The following STK10 variants were observed in gnomAD, a reference collection of about 807,000 sequenced individuals.
STK10 encodes the protein serine/threonine kinase 10.
In STK10, 78 loss-of-function variants were observed where a neutral mutation model predicts 113.8. That is an observed-to-expected ratio of 0.69 (90% CI 0.57 to 0.83). The LOEUF is 0.83. Among genes scored for constraint, STK10 ranks in the 40% least tolerant of loss-of-function variants. STK10 has a pLI of 0.00. For missense variants in STK10, 1,109 were observed against 1,280.1 expected (o/e 0.87, Z 2.04); for synonymous variants, 465 against 494.7 (o/e 0.94, Z 0.80).
chr5:172,164,805 G>A (rs758239549), intron 1 of STK10, among the ~76,000 whole-genome samples: 4 of 152,286 alleles, frequency 2.6e-5, no homozygotes, highest in East Asian at 1.9e-4. Flanking sequence ...AAGAACAAGC[G>A]GCTGTCTGTG....
chr5:172,155,821 C>A lies in STK10; in HGVS notation c.321+803G>T, dbSNP rs144415488. 8.2e-3 allele frequency among the ~76,000 whole-genome samples: 1,248 copies of A among 152,070 alleles called. 19 individuals carry two copies. The highest frequency in any genetic ancestry group is 0.029 in the African/African-American group (1,198 of 41,498). ...ACCAGCCTGGCCAACACGGCAAAAC[C>A]CCATCTCTACTAAAAATACAAAAAT... On this transcript the variant is annotated intron_variant, in intron 2 of 18. Transcript: ENST00000176763.
chr5:172,107,683 C>G lies in STK10; in HGVS notation c.593+97G>C, dbSNP rs558427189. The G allele has an allele frequency of 3.2e-4, 267 of 842,926 alleles. 1 individual carries two copies. The African/African-American group carries it at 0.011, about 35-fold the overall frequency. The allele number at this position is 842,926 out of a possible 1,614,324, so 52.2% of individuals were successfully genotyped here. On this transcript the variant is annotated intron_variant, in intron 5 of 18. Transcript: ENST00000176763. ...AAGCCACGAGGCAGGGCGTGTAGCC[C>G]TTGTCTTCCGGCCCCTCTCTGTCTA...
chr5:172,098,317 C>T (rs889527738), intron 7 of STK10, among the ~76,000 whole-genome samples: 2 of 152,048 alleles, frequency 1.3e-5, no homozygotes, highest in African/African-American at 4.8e-5. Flanking sequence ...GTGGTGGAGA[C>T]TAAAGTCTGC....
chr5:172,105,199 G>A (rs546868750), intron 7 of STK10, among the ~76,000 whole-genome samples: 36 of 109,724 alleles, frequency 3.3e-4, no homozygotes, highest in East Asian at 2.6e-3. Flanking sequence ...TTCCCAGCAT[G>A]TGTGGAACAT....
At chr5:172,180,459 C>G (rs1157682487) in intron 1 of STK10, among the ~76,000 whole-genome samples, 1 of 148,950 alleles carries the variant, frequency 6.7e-6, no homozygotes, top group Admixed American at 6.7e-5. Context: ...AGCAAGACTT[C>G]GTCTCAAAAA....
chr5:172,139,358 C>G (rs150407689), intron 2 of STK10, among the ~76,000 whole-genome samples: 4 of 152,058 alleles, frequency 2.6e-5, no homozygotes, highest in Admixed American at 2.6e-4. Flanking sequence ...ATCAAGAGAA[C>G]AGAATAGAGA....
intron 2 of STK10, among the ~76,000 whole-genome samples, chr5:172,131,685 AG>A (rs1769760234): frequency 6.6e-6 from 1 of 152,164 alleles, no homozygotes; most frequent in African/African-American, 2.4e-5. Flanking sequence ...CAGTGGCAGG[AG>A]GGCTACAGGG....
intron 2 of STK10, among the ~76,000 whole-genome samples, chr5:172,135,694 A>G (rs1023781064): frequency 6.6e-6 from 1 of 152,154 alleles, no homozygotes; most frequent in African/African-American, 2.4e-5. Context: ...CTACATATAG[A>G]TCCAAAAGAA....
At chr5:172,046,659 A>G (rs1401413800) in intron 18 of STK10, among the ~76,000 whole-genome samples, 3 of 152,198 alleles carry the variant, frequency 2.0e-5, no homozygotes, top group Non-Finnish European at 4.4e-5. Flanking sequence ...CTTACGCCAG[A>G]GTCAGCGATC....
At chr5:172,180,189 C>T (rs570233317) in intron 1 of STK10, among the ~76,000 whole-genome samples, 3 of 152,340 alleles carry the variant, frequency 2.0e-5, no homozygotes, top group South Asian at 2.1e-4. Flanking sequence ...CTAGGCCGGG[C>T]GTGGTGGCTC....
chr5:172,085,676 G>A (rs1425521429), intron 10 of STK10, among the ~76,000 whole-genome samples: 5 of 146,278 alleles, frequency 3.4e-5, no homozygotes, highest in Non-Finnish European at 6.0e-5. Context: ...GCGACAGAGT[G>A]AGACTCCATT....
At chr5:172,099,016 A>G (rs947091415) in intron 7 of STK10, among the ~76,000 whole-genome samples, 4 of 151,516 alleles carry the variant, frequency 2.6e-5, no homozygotes, top group Admixed American at 1.3e-4. Context: ...TACCATCATC[A>G]TCATCACCAC....
chr5:172,084,731 G>C (rs1768514037), intron 10 of STK10, among the ~76,000 whole-genome samples: 1 of 151,558 alleles, frequency 6.6e-6, no homozygotes, highest in African/African-American at 2.4e-5. Context: ...TACTGAAAAA[G>C]CTTGGGACCA....
At chr5:172,063,110 C>T (rs545868661) in intron 13 of STK10, among the ~76,000 whole-genome samples, 5 of 151,898 alleles carry the variant, frequency 3.3e-5, no homozygotes, top group East Asian at 1.9e-4. Flanking sequence ...ATTAGCTAGG[C>T]GTGATGGCAG....
At chr5:172,118,362 G>A (rs1029071316) in intron 3 of STK10, among the ~76,000 whole-genome samples, 1 of 152,188 alleles carries the variant, frequency 6.6e-6, no homozygotes, top group African/African-American at 2.4e-5. Context: ...GAGCAGGAAG[G>A]CAGATGGGAC....
intron 7 of STK10, among the ~76,000 whole-genome samples, chr5:172,097,522 G>A (rs576183338): frequency 7.2e-5 from 11 of 152,312 alleles, no homozygotes; most frequent in South Asian, 2.1e-4. Flanking sequence ...GCAGTCTTTC[G>A]CGTTGGCTTC....
At chr5:172,156,192 C>T (rs542006349) in intron 2 of STK10, among the ~76,000 whole-genome samples, 9 of 152,284 alleles carry the variant, frequency 5.9e-5, no homozygotes, top group African/African-American at 1.7e-4. Context: ...AATAACAAAA[C>T]AGCCAATACT....
intron 1 of STK10, among the ~76,000 whole-genome samples, chr5:172,174,716 G>A (rs920981277): frequency 6.6e-6 from 1 of 152,210 alleles, no homozygotes; most frequent in East Asian, 1.9e-4. Flanking sequence ...GGGAATCTGA[G>A]TTGAGACCCG....
chr5:172,144,995 C>T (rs984208276), intron 2 of STK10, among the ~76,000 whole-genome samples: 2 of 152,100 alleles, frequency 1.3e-5, no homozygotes, highest in Non-Finnish European at 2.9e-5. Context: ...GCCCACAGGT[C>T]GCAAGCACTG....
Sources: allele counts gnomAD v4.1 joint callset (sites outside exome capture counted in the v4.1 genomes callset), GRCh38; gene constraint gnomAD v4.1.1; transcripts MANE v1.5; gene names NCBI Gene and HGNC (gene_info 2026-07-23, HGNC 2026-07-21).